The following TSC2 variants were observed in gnomAD, a reference collection of about 807,000 sequenced individuals.
TSC2 encodes the protein tuberin.
TSC2 carries 29 observed loss-of-function variants against 202.2 expected under a neutral mutation model. The ratio of observed to expected loss-of-function variants is 0.14; its 90% CI spans 0.11 to 0.20. The LOEUF (loss-of-function observed/expected upper bound fraction) is 0.20. TSC2 is among the 10% of genes least tolerant of loss of function. TSC2 has a pLI of 1.00. For synonymous variants in TSC2, 1,349 were observed against 1,044.0 expected (o/e 1.29, Z -5.63); for missense variants, 2,429 against 2,420.0 (o/e 1.00, Z -0.08).
intron 2 of TSC2, 90 bp from the exon 3 acceptor site, chr16:2,050,310 C>A: frequency 8.4e-7 from 1 of 1,188,174 alleles, no homozygotes; most frequent in Non-Finnish European, 1.3e-6. Context: ...CTGGAAAATG[C>A]AGTGGGAGTC....
chr16:2,082,379 G>A (rs550992880), intron 31 of TSC2, 57 bp from the exon 32 acceptor site: 35 of 1,594,358 alleles, frequency 2.2e-5, no homozygotes, highest in African/African-American at 4.0e-5. Context: ...CTCTCTGCTC[G>A]ACCTGTGTGT....
chr16:2,057,047 C>G (rs2085939715), intron 8 of TSC2, 58 bp from the exon 9 acceptor site: 2 of 1,545,660 alleles, frequency 1.3e-6, no homozygotes, highest in Admixed American at 3.9e-5. Context: ...AGCAGCGGGA[C>G]TGGGGCTGGG....
At chr16:2,050,981 G>A (rs1199363454) in intron 3 of TSC2, among the ~76,000 whole-genome samples, 8 of 152,184 alleles carry the variant, frequency 5.3e-5, no homozygotes, top group South Asian at 2.1e-4. Context: ...CCAATCAAGC[G>A]TGGAAATGGG....
intron 16 of TSC2, among the ~76,000 whole-genome samples, chr16:2,068,142 C>T (rs2087662963): frequency 6.6e-6 from 1 of 152,162 alleles, no homozygotes; most frequent in Non-Finnish European, 1.5e-5. Flanking sequence ...CAGGTTCAAG[C>T]AATTCTCTTG....
At chr16:2,064,581 G>A in intron 15 of TSC2, 154 bp downstream of exon 15, 1 of 1,127,816 alleles carries the variant, frequency 8.9e-7, no homozygotes, top group Non-Finnish European at 1.3e-6. Flanking sequence ...CCCGAGGCCT[G>A]TGCAGGGCCT....
At chr16:2,076,628 G>A in intron 25 of TSC2, 43 bp downstream of exon 25, 1 of 1,601,562 alleles carries the variant, frequency 6.2e-7, no homozygotes, top group Non-Finnish European at 8.5e-7. Flanking sequence ...GTGGGGTGGG[G>A]AAGGACATGG....
Position 2,055,506 on chromosome 16 carries a change from G to A in TSC2, c.586G>A (p.Ala196Thr), listed in dbSNP as rs45517113. Reference sequence around the variant, plus strand: ...TAGCTGTTACCTCGACGAGTACATCGCAAGGATGGTTCAGTAAGAAAAGAA... The same window carrying A: ...TAGCTGTTACCTCGACGAGTACATCACAAGGATGGTTCAGTAAGAAAAGAA... ...FNSCYLDEYI[A>T]RMVQMICLLC... Residue 196 changes from alanine (A) to threonine (T), a missense_variant, in exon 6 of 42, where the codon GCA becomes ACA. Coordinates refer to ENST00000219476, the MANE Select transcript of TSC2 (RefSeq NM_000548.5). 1.9e-5 allele frequency: 31 copies of A among 1,613,652 alleles called. No homozygotes were observed. Among genetic ancestry groups the A allele is most frequent in the East Asian group, 1.8e-4 (8 of 44,898 alleles).
At chr16:2,055,905 AAAAAG>A in intron 6 of TSC2, 1 of 523,514 alleles carries the variant, frequency 1.9e-6, no homozygotes, top group Non-Finnish European at 3.4e-6. Flanking sequence ...AAAAAAAAAA[AAAAAG>A]AGAAGTACGT....
Position 2,081,747 on chromosome 16 carries a change from G to T in TSC2, c.3763G>T (p.Val1255Leu). ...CACAGCCCTGTACAAGTCACTGTCG[G>T]TGCCGGCAGCCAGCACGGCCAAACC... ...RDTALYKSLS[V>L]PAASTAKPPP... is the part of the protein sequence containing the mutation. Residue 1255 changes from valine (V) to leucine (L), a missense_variant, in exon 31 of 42, where the codon GTG becomes TTG. Val to Leu is a conservative substitution (Grantham distance 32, BLOSUM62 1). Transcript: ENST00000219476. 6.2e-7 allele frequency: 1 copy of T among 1,612,892 alleles called. No homozygotes were observed. The highest frequency in any genetic ancestry group is 8.5e-7 in the Non-Finnish European group (1 of 1,180,014).
In TSC2 at chr16:2,086,177, T is replaced by TC; in HGVS notation, c.4663-12dup. The TC allele has an allele frequency of 1.2e-6, 2 of 1,611,288 alleles. No individual in the cohort carries two copies. The highest frequency in any genetic ancestry group is 1.7e-6 in the Non-Finnish European group (2 of 1,179,068). ...CCCGGGAGTGATGCCACCCTGCCTC[T>TC]CCCCTCTCCCCACAGAGCAACAGCG... On this transcript the variant is annotated splice_polypyrimidine_tract_variant and intron_variant, in intron 36 of 41. Transcript: ENST00000219476.
rs780737734 is a variant in TSC2, at chr16:2,077,609, C to T, written c.2849C>T (p.Ala950Val). The T allele has an allele frequency of 7.4e-6, 12 of 1,612,972 alleles. No homozygotes were observed. The South Asian group carries it at 1.2e-4, about 16-fold the overall frequency. ...LNERPKSLRI[A>V]RPPKQGLNNS... is the part of the protein sequence containing the mutation. ...TCCTCACCCGATAGTCTGAGGATAG[C>T]CAGACCCCCCAAACAAGGCTTGAAT... The change falls in exon 26 of 42, where the codon GCC becomes GTC. Residue 950 changes from alanine (A) to valine (V), a missense_variant. By Grantham distance (64) the Ala-to-Val change is moderately conservative. Coordinates refer to ENST00000219476, the MANE Select transcript of TSC2 (RefSeq NM_000548.5).
chr16:2,086,135 TGCGGG>T (rs2090755058), intron 36 of TSC2, 53 bp from the exon 37 acceptor site: 1 of 1,603,418 alleles, frequency 6.2e-7, no homozygotes, highest in South Asian at 1.1e-5. Context: ...CCCCACCCTC[TGCGGG>T]GCAGGGCCCG....
intron 10 of TSC2, among the ~76,000 whole-genome samples, chr16:2,059,338 CTTTTTTTTTTT>C (rs1180610775): frequency 1.6e-5 from 2 of 124,700 alleles, no homozygotes; most frequent in East Asian, 4.4e-4. Context: ...TTCTCTCTCT[CTTTTTTTTTTT>C]TTTTTTTTTT....
rs1596383623 is a variant in TSC2 at position 2,079,285 on chromosome 16, G to A, written c.3141G>A (p.Val1047=). 6.2e-7 allele frequency: 1 copy of A among 1,613,018 alleles called. No homozygotes were observed. Among genetic ancestry groups the A allele is most frequent in the Admixed American group, 1.7e-5 (1 of 60,022 alleles). ...GCTCCCTGTCTTCTAGGTCTCCTGT[G>A]GGCGAGTTCCTCCTAGCGGGTGGCA... ...NFTAVPKRSP[V]GEFLLAGGRT... The change falls in exon 28 of 42, where the codon GTG becomes GTA. Residue 1047 remains valine (V), a synonymous_variant. Coordinates refer to ENST00000219476, the MANE Select transcript of TSC2 (RefSeq NM_000548.5). The surrounding 1 kb of genome is among the most constrained non-coding windows in gnomAD (Gnocchi z 4.6).
intron 16 of TSC2, among the ~76,000 whole-genome samples, chr16:2,065,902 C>A (rs931320800): frequency 6.6e-6 from 1 of 152,240 alleles, no homozygotes; most frequent in Non-Finnish European, 1.5e-5. Flanking sequence ...CTCAGCGTGG[C>A]GCTTGCCCTC....
At chr16:2,083,460 G>A (rs566499107) in intron 32 of TSC2, 11 of 680,574 alleles carry the variant, frequency 1.6e-5, no homozygotes, top group African/African-American at 1.6e-4. Flanking sequence ...GGGCAGAGCC[G>A]ATTGCCTGCC....
chr16:2,082,661 C>G lies in TSC2; in HGVS notation c.3883+157C>G. The stretch of plus-strand genomic sequence containing the variant: ...GCATGAGGACGTCTGTGCAGAATGT[C>G]TTTGGCTTGGCCAGCGGGATCCCCT... On this transcript the variant is annotated intron_variant, in intron 32 of 41. Coordinates refer to ENST00000219476, the MANE Select transcript of TSC2 (RefSeq NM_000548.5). 3.6e-6 allele frequency: 3 copies of G among 838,138 alleles called. No individual in the cohort carries two copies. The South Asian group carries it at 4.4e-5, about 12-fold the overall frequency. 51.9% of individuals were successfully genotyped at this position (838,138 alleles called of 1,614,324 possible).
At position 2,061,982 on chromosome 16, in the gene TSC2, G is replaced by A; in HGVS notation, c.1231G>A (p.Val411Met). 5 of 1,614,158 alleles carry A rather than the reference G, an allele frequency of 3.1e-6. No individual in the cohort carries two copies. Among genetic ancestry groups the A allele is most frequent in the Non-Finnish European group, 4.2e-6 (5 of 1,180,020 alleles). ...GTCTCAGGAGAGATACTTTGAACTGGTGGAGAGATGTGCGGACCAGAGGCC... is the reference window on the plus strand; with the variant it reads ...GTCTCAGGAGAGATACTTTGAACTGATGGAGAGATGTGCGGACCAGAGGCC... ...HGSQERYFEL[V>M]ERCADQRPES... The change falls in exon 12 of 42, where the codon GTG becomes ATG. Residue 411 changes from valine (V) to methionine (M), a missense_variant. Val to Met is a conservative substitution (Grantham distance 21). Transcript: ENST00000219476.
At position 2,086,513 on chromosome 16, in the gene TSC2, G is replaced by C; in HGVS notation, c.4849+134G>C. ...TCCAGCTCCCCACGCCTCAGGTTCC[G>C]AGCCTAACAGCGTGGGCATGGAGGC... On this transcript the variant is annotated intron_variant, in intron 37 of 41. Transcript: ENST00000219476. The C allele has an allele frequency of 7.7e-6, 11 of 1,424,286 alleles. No individual in the cohort carries two copies. In the South Asian group the frequency reaches 8.7e-5, roughly 11 times the overall value. 88.2% of individuals were successfully genotyped at this position (1,424,286 alleles called of 1,614,324 possible). A position where few individuals can be genotyped will look rare whatever the true frequency, so the allele number is the denominator to read the frequency against.
Sources: gnomAD v4.1 joint callset for allele counts (sites outside exome capture counted in the v4.1 genomes callset) on GRCh38, gnomAD v4.1.1 for gene constraint, Gnocchi (gnomAD v3.1) non-coding constraint, MANE v1.5 for transcripts, NCBI Gene and HGNC (gene_info 2026-07-23, HGNC 2026-07-21) for gene names.